The following USP37 variants were observed in gnomAD, a reference collection of about 807,000 sequenced individuals.
USP37 encodes ubiquitin specific peptidase 37.
Under a neutral mutation model 124.0 loss-of-function variants are expected in USP37, and 27 were observed. That is an observed-to-expected ratio of 0.22 (90% CI 0.16 to 0.30). The LOEUF is 0.30. Ranked by LOEUF, USP37 falls within the 10% of genes least tolerant of loss-of-function variation. The probability of loss-of-function intolerance (pLI) is 1.00; values close to 1 mark genes in which losing one functional copy is unlikely to be tolerated. For missense variants in USP37, 889 were observed against 1,140.4 expected (o/e 0.78, Z 3.17); for synonymous variants, 365 against 388.0 (o/e 0.94, Z 0.70).
At chr2:218,562,880 T>G (rs1693380714) in intron 1 of USP37, 67 bp from the exon 2 acceptor site, 1 of 393,158 alleles carries the variant, frequency 2.5e-6, no homozygotes. Context: ...TAAAAGAAAG[T>G]GGGCTGGGCA....
Position 218,482,179 on chromosome 2 carries a change from T to G in USP37, c.1726A>C (p.Asn576His). The change falls in exon 17 of 26, where the codon AAT becomes CAT. Residue 576 changes from asparagine (N) to histidine (H), a missense_variant. Asn to His is a moderately conservative substitution (Grantham distance 68). This residue lies in a region of USP37 where 504 missense variants were observed against 714.3 expected (regional missense o/e 0.71). Transcript: ENST00000258399. ...YSFNVALSLN[N>H]KIGQQVIIPR... ...ATGATGACTTGCTGCCCAATCTTAT[T>G]GTTAAGCGAGAGAGCCACATTGAAG... The G allele has an allele frequency of 6.2e-7, 1 of 1,614,080 alleles. No individual in the cohort carries two copies. Among genetic ancestry groups the G allele is most frequent in the Non-Finnish European group, 8.5e-7 (1 of 1,179,964 alleles).
intron 1 of USP37, among the ~76,000 whole-genome samples, chr2:218,565,308 G>GT (rs1693532612): frequency 6.6e-6 from 1 of 152,094 alleles, no homozygotes. Context: ...ATCTTCACTG[G>GT]TCTTAAAGAT....
chr2:218,563,917 A>T (rs1333895898), intron 1 of USP37, among the ~76,000 whole-genome samples: 2 of 152,058 alleles, frequency 1.3e-5, no homozygotes, highest in Non-Finnish European at 2.9e-5. Flanking sequence ...CTAAAAATAC[A>T]AAATTTAGCT....
At chr2:218,531,310 A>G (rs1691306810) in intron 9 of USP37, among the ~76,000 whole-genome samples, 1 of 152,228 alleles carries the variant, frequency 6.6e-6, no homozygotes, top group African/African-American at 2.4e-5. Context: ...TGCTAATTCT[A>G]CTTGCCTGTG....
intron 17 of USP37, among the ~76,000 whole-genome samples, chr2:218,481,842 T>A (rs1691289730): frequency 6.6e-6 from 1 of 152,034 alleles, no homozygotes. Flanking sequence ...TTTGTAGAGA[T>A]GAGGTCATGC....
chr2:218,549,242 A>C (rs1335921090), intron 6 of USP37, among the ~76,000 whole-genome samples: 2 of 152,146 alleles, frequency 1.3e-5, no homozygotes, highest in Non-Finnish European at 2.9e-5. Flanking sequence ...AATGTCCCCC[A>C]AAAATCTAAC....
chr2:218,550,730 T>A (rs1017695864), intron 5 of USP37, among the ~76,000 whole-genome samples: 4 of 152,004 alleles, frequency 2.6e-5, no homozygotes, highest in Non-Finnish European at 5.9e-5. Flanking sequence ...GAATCTGAGT[T>A]TGGTGAAGTC....
At chr2:218,545,359 A>G (rs979397943) in intron 8 of USP37, among the ~76,000 whole-genome samples, 21 of 152,218 alleles carry the variant, frequency 1.4e-4, no homozygotes, top group Non-Finnish European at 5.9e-5. Context: ...AAATGGAGAC[A>G]AGAAAGTAGA....
intron 10 of USP37, among the ~76,000 whole-genome samples, chr2:218,519,142 A>T (rs1292288609): frequency 1.3e-5 from 2 of 152,258 alleles, no homozygotes; most frequent in Non-Finnish European, 2.9e-5. Context: ...GCAATTTAAG[A>T]TGTCACAATA....
intron 8 of USP37, among the ~76,000 whole-genome samples, chr2:218,541,666 C>T (rs1329168658): frequency 6.6e-6 from 1 of 152,142 alleles, no homozygotes; most frequent in Non-Finnish European, 1.5e-5. Context: ...CAGCAACACA[C>T]TGTGGTTAAT....
At chr2:218,546,585 A>AT (rs1450878039) in intron 7 of USP37, among the ~76,000 whole-genome samples, 1 of 151,970 alleles carries the variant, frequency 6.6e-6, no homozygotes, top group East Asian at 1.9e-4. Flanking sequence ...CACCAGGCTA[A>AT]TTTTTTTGTA....
In USP37 at chr2:218,451,915, T is replaced by C. The variant is rs1418716594; in HGVS notation, c.*3015A>G. 1 of 152,658 alleles carries C rather than the reference T, an allele frequency of 6.6e-6. No homozygotes were observed. The highest frequency in any genetic ancestry group is 1.5e-5 in the Non-Finnish European group (1 of 68,036). 9.5% of individuals were successfully genotyped at this position (152,658 alleles called of 1,614,324 possible). ...AAAGTATTAATAGAAGACCAGTTCA[T>C]GGATTTGCTTATTCTATCCTGCTGA... is the stretch of plus-strand genomic sequence containing the variant. On this transcript the variant is annotated 3_prime_UTR_variant, in exon 26 of 26. Coordinates refer to ENST00000258399, the MANE Select transcript of USP37 (RefSeq NM_020935.3).
At chr2:218,510,489 A>T (rs967352775) in intron 10 of USP37, among the ~76,000 whole-genome samples, 5 of 152,236 alleles carry the variant, frequency 3.3e-5, no homozygotes, top group African/African-American at 1.2e-4. Context: ...CCACTGTTAC[A>T]AATAACACAA....
rs974920658 is a variant in USP37, at chr2:218,456,994, A to G, written c.2713+98T>C. ...CAAAAAAAAAAAGAAAAAGAAAAAG[A>G]AAAACACACTTCACAAAGCTAGGCA... On this transcript the variant is annotated intron_variant, in intron 24 of 25. Coordinates refer to ENST00000258399, the MANE Select transcript of USP37 (RefSeq NM_020935.3). The G allele has an allele frequency of 1.7e-5, 21 of 1,243,934 alleles. No individual in the cohort carries two copies. The Admixed American group carries it at 5.4e-4, about 32-fold the overall frequency. The allele number at this position is 1,243,934 out of a possible 1,614,324, so 77.1% of individuals were successfully genotyped here. A position where few individuals can be genotyped will look rare whatever the true frequency, so the allele number is the denominator to read the frequency against.
intron 11 of USP37, among the ~76,000 whole-genome samples, chr2:218,508,208 G>A (rs749787967): frequency 6.6e-6 from 1 of 151,814 alleles, no homozygotes; most frequent in African/African-American, 2.4e-5. Context: ...GAGGATTTGT[G>A]AGGAACATTG....
intron 3 of USP37, among the ~76,000 whole-genome samples, chr2:218,559,288 C>G (rs1011972555): frequency 6.6e-6 from 1 of 152,004 alleles, no homozygotes; most frequent in Non-Finnish European, 1.5e-5. Context: ...CCCGCCTGGG[C>G]AATAGAGTGA....
intron 10 of USP37, among the ~76,000 whole-genome samples, chr2:218,516,355 C>G (rs1039653290): frequency 9.2e-5 from 14 of 152,110 alleles, no homozygotes; most frequent in Non-Finnish European, 1.9e-4. Context: ...GAATACTATG[C>G]AGCCATAAAG....
At chr2:218,533,576 C>T (rs1691456071) in intron 9 of USP37, among the ~76,000 whole-genome samples, 1 of 152,054 alleles carries the variant, frequency 6.6e-6, no homozygotes, top group Non-Finnish European at 1.5e-5. Context: ...TAACTATAGG[C>T]TGATTATAAA....
chr2:218,464,937 C>T (rs576189677), intron 21 of USP37, among the ~76,000 whole-genome samples: 13 of 151,692 alleles, frequency 8.6e-5, no homozygotes, highest in African/African-American at 2.9e-4. Flanking sequence ...AAAAATGAGC[C>T]GGGCATGGTG....
Sources: allele counts gnomAD v4.1 joint callset (sites outside exome capture counted in the v4.1 genomes callset), GRCh38; gene constraint gnomAD v4.1.1; regional missense constraint gnomAD v4.1.1; transcripts MANE v1.5; gene names NCBI Gene and HGNC (gene_info 2026-07-23, HGNC 2026-07-21).